PSME3IP1: variants seen among roughly 807,000 people sequenced by gnomAD.
The protein encoded by PSME3IP1 is PSME3-interacting protein.
A neutral mutation model predicts 34.1 loss-of-function variants in PSME3IP1; 13 were observed. The observed-to-expected ratio is 0.38, with a 90% CI of 0.25 to 0.61. PSME3IP1 has a LOEUF of 0.61. PSME3IP1 is among the 20% of genes least tolerant of loss of function. PSME3IP1 has a pLI of 0.60. For synonymous variants in PSME3IP1, 93 were observed against 114.3 expected (o/e 0.81, Z 1.19); for missense variants, 237 against 301.4 (o/e 0.79, Z 1.58).
rs139955294 is a variant in PSME3IP1, at chr16:57,160,259, C to T, written c.547+3742G>A. 3.9e-3 allele frequency among the ~76,000 whole-genome samples: 582 copies of T among 149,866 alleles called. 5 individuals carry two copies. The highest frequency in any genetic ancestry group is 0.014 in the African/African-American group (555 of 40,332). On this transcript the variant is annotated intron_variant, in intron 6 of 6. Transcript: ENST00000309137. Reference sequence around the variant, plus strand: ...GAGCCGAGATTGCGCCACTGCAGTCCGCAGTCCGGCCTGGGCGACAGAGCG... The same window carrying T: ...GAGCCGAGATTGCGCCACTGCAGTCTGCAGTCCGGCCTGGGCGACAGAGCG...
intron 6 of PSME3IP1, among the ~76,000 whole-genome samples, chr16:57,161,509 ATTT>A (rs35833252): frequency 1.6e-4 from 15 of 93,692 alleles, no homozygotes; most frequent in Admixed American, 3.4e-4. Flanking sequence ...TAAGATCATA[ATTT>A]TTTTTTTTTT....
intron 6 of PSME3IP1, among the ~76,000 whole-genome samples, chr16:57,163,544 A>G (rs1273285028): frequency 6.6e-6 from 1 of 152,214 alleles, no homozygotes; most frequent in East Asian, 1.9e-4. Context: ...TTCATCACAT[A>G]AAAGTAAAAA....
At chr16:57,181,403 C>T (rs1156996101) in intron 1 of PSME3IP1, among the ~76,000 whole-genome samples, 1 of 151,986 alleles carries the variant, frequency 6.6e-6, no homozygotes, top group Non-Finnish European at 1.5e-5. Flanking sequence ...CAAACCAAAC[C>T]AAAGCATTTT....
At chr16:57,183,114 G>C (rs2073881584) in intron 1 of PSME3IP1, among the ~76,000 whole-genome samples, 2 of 152,186 alleles carry the variant, frequency 1.3e-5, no homozygotes, top group African/African-American at 4.8e-5. Context: ...ACTAGAATAA[G>C]CATTGGGGAA....
chr16:57,158,522 A>G (rs556596720), intron 6 of PSME3IP1, among the ~76,000 whole-genome samples: 2 of 152,322 alleles, frequency 1.3e-5, no homozygotes, highest in African/African-American at 4.8e-5. Flanking sequence ...TGGGAGGTGA[A>G]GGTTGCTGTG....
intron 6 of PSME3IP1, among the ~76,000 whole-genome samples, chr16:57,163,138 C>A (rs1046391081): frequency 6.6e-6 from 1 of 151,784 alleles, no homozygotes; most frequent in Admixed American, 6.6e-5. Flanking sequence ...GCACTCCAGC[C>A]TGGGTGACAG....
chr16:57,164,090 G>A lies in PSME3IP1; in HGVS notation c.483-25C>T, dbSNP rs778888427. On this transcript the variant is annotated intron_variant, in intron 5 of 6. Coordinates refer to ENST00000309137, the MANE Select transcript of PSME3IP1 (RefSeq NM_024946.4). ...GCTGTAACAAAACACATGGTGACTT[G>A]AGCCATGTCCAATCTTGTGGATCAA... The A allele has an allele frequency of 1.9e-5, 30 of 1,608,958 alleles. No homozygotes were observed. In the Admixed American group the frequency reaches 4.7e-4, roughly 25 times the overall value.
rs1306514261 is a variant in PSME3IP1, at chr16:57,152,713, G to T, written c.*1577C>A. Reference sequence around the variant, plus strand: ...GAACAATGAAGCAGAGAAGCAGAAGGTGCCTACAAAGTTTTACCTAAATGT... The same window carrying T: ...GAACAATGAAGCAGAGAAGCAGAAGTTGCCTACAAAGTTTTACCTAAATGT... On this transcript the variant is annotated 3_prime_UTR_variant, in exon 7 of 7. Transcript: ENST00000309137. 6.5e-6 allele frequency: 1 copy of T among 152,704 alleles called. No homozygotes were observed. Among genetic ancestry groups the T allele is most frequent in the Non-Finnish European group, 1.5e-5 (1 of 68,058 alleles). The allele number at this position is 152,704 out of a possible 1,614,324, so 9.5% of individuals were successfully genotyped here. A position where few individuals can be genotyped will look rare whatever the true frequency, so the allele number is the denominator to read the frequency against.
chr16:57,165,257 G>A (rs1184922030), intron 5 of PSME3IP1, among the ~76,000 whole-genome samples: 1 of 151,784 alleles, frequency 6.6e-6, no homozygotes, highest in Non-Finnish European at 1.5e-5. Context: ...TCAATATGGA[G>A]ATTTAAAAAA....
At chr16:57,178,787 T>C in intron 1 of PSME3IP1, 2 of 985,498 alleles carry the variant, frequency 2.0e-6, no homozygotes, top group Non-Finnish European at 2.4e-6. Context: ...AATGGTCACT[T>C]ATCCTGCGAA....
chr16:57,167,404 A>G (rs1324968888), intron 4 of PSME3IP1, among the ~76,000 whole-genome samples, 178 bp from the exon 5 acceptor site: 1 of 152,194 alleles, frequency 6.6e-6, no homozygotes, highest in African/African-American at 2.4e-5. Context: ...ACCATGGAGG[A>G]AGACAGCATA....
intron 6 of PSME3IP1, among the ~76,000 whole-genome samples, chr16:57,159,146 G>A (rs566708372): frequency 4.5e-4 from 69 of 152,246 alleles, no homozygotes; most frequent in Admixed American, 1.3e-3. Flanking sequence ...CGGAAGAATG[G>A]AAGTTAGCTA....
At position 57,172,920 on chromosome 16, in the gene PSME3IP1, T is replaced by C. The variant is rs371032256; in HGVS notation, c.128-46A>G. On this transcript the variant is annotated intron_variant, in intron 2 of 6. Transcript: ENST00000309137. ...GAGAGAGGTGGACGGGGAGGAGATA[T>C]ACACTTCAGATTGTTTTCATATTAT... 1.4e-5 allele frequency: 16 copies of C among 1,159,006 alleles called. No individual in the cohort carries two copies. In the African/African-American group the frequency reaches 1.8e-4, roughly 13 times the overall value. The allele number at this position is 1,159,006 out of a possible 1,614,324, so 71.8% of individuals were successfully genotyped here.
intron 4 of PSME3IP1, among the ~76,000 whole-genome samples, chr16:57,170,581 A>G (rs2072454866): frequency 6.6e-6 from 1 of 152,244 alleles, no homozygotes; most frequent in East Asian, 1.9e-4. Context: ...AATATCTCCT[A>G]TGAATCATTT....
At position 57,153,285 on chromosome 16, in the gene PSME3IP1, C is replaced by G. The variant is rs1305380265; in HGVS notation, c.*1005G>C. On this transcript the variant is annotated 3_prime_UTR_variant, in exon 7 of 7. Coordinates refer to ENST00000309137, the MANE Select transcript of PSME3IP1 (RefSeq NM_024946.4). The stretch of plus-strand genomic sequence containing the variant: ...TGGAAAGGAAAAAGAGCAGCAGAGG[C>G]AGCAAAGAAAAGTACTAGGGCAGCA... The G allele has an allele frequency of 6.6e-6, 1 of 152,134 alleles. No homozygotes were observed. Among genetic ancestry groups the G allele is most frequent in the Admixed American group, 6.6e-5 (1 of 15,266 alleles). 9.4% of individuals were successfully genotyped at this position (152,134 alleles called of 1,614,324 possible).
At chr16:57,175,260 G>A (rs1285828327) in intron 1 of PSME3IP1, among the ~76,000 whole-genome samples, 2 of 152,088 alleles carry the variant, frequency 1.3e-5, no homozygotes, top group Non-Finnish European at 1.5e-5. Flanking sequence ...TGATCTGCCC[G>A]CCTAGGCCTC....
At chr16:57,183,277 G>C (rs1381472841) in intron 1 of PSME3IP1, among the ~76,000 whole-genome samples, 5 of 152,168 alleles carry the variant, frequency 3.3e-5, no homozygotes, top group African/African-American at 1.2e-4. Flanking sequence ...GAAATAGTGG[G>C]CTAGGTAATT....
Position 57,154,829 on chromosome 16 carries a change from G to A in PSME3IP1, c.548-322C>T, listed in dbSNP as rs62037355. Among the ~76,000 whole-genome samples, 1 of 152,310 alleles carries A rather than the reference G, an allele frequency of 6.6e-6. No homozygotes were observed. The highest frequency in any genetic ancestry group is 6.5e-5 in the Admixed American group (1 of 15,296). On this transcript the variant is annotated intron_variant, in intron 6 of 6. Coordinates refer to ENST00000309137, the MANE Select transcript of PSME3IP1 (RefSeq NM_024946.4). This position sits in a 1 kb window ranked among gnomAD's most constrained non-coding sequence, Gnocchi z 4.0. Reference sequence around the variant, plus strand: ...GGAGAACAAGCTACTCTGGAGTGTAGCCTAGAGTGCTTTGATTTCCCTGTG... The same window carrying A: ...GGAGAACAAGCTACTCTGGAGTGTAACCTAGAGTGCTTTGATTTCCCTGTG...
rs778975665 is a variant in PSME3IP1 at position 57,172,789 on chromosome 16, T to C, written c.213A>G (p.Glu71=). The part of the protein sequence containing the change: ...QKDRKQQEYE[E]QFKFKNMVRG... ...TCTGAAGCTTACTGAATTTGAACTG[T>C]TCCTCGTACTCCTGCTGCTTCCTGT... Residue 71 remains glutamate (E), a synonymous_variant, in exon 3 of 7, where the codon GAA becomes GAG. Transcript: ENST00000309137. The C allele has an allele frequency of 7.4e-6, 12 of 1,612,864 alleles. No homozygotes were observed. The highest frequency in any genetic ancestry group is 1.0e-5 in the Non-Finnish European group (12 of 1,178,848).
Sources: allele counts gnomAD v4.1 joint callset (sites outside exome capture counted in the v4.1 genomes callset), GRCh38; gene constraint gnomAD v4.1.1; non-coding constraint Gnocchi (gnomAD v3.1); transcripts MANE v1.5; gene names NCBI Gene and HGNC (gene_info 2026-07-23, HGNC 2026-07-21).